ZNF479: variants seen among roughly 807,000 people sequenced by gnomAD.
The protein encoded by ZNF479 is zinc finger protein 479, also known as KRAB zinc finger protein KR19.
ZNF479 carries 15 observed loss-of-function variants against 14.7 expected under a neutral mutation model. That is an observed-to-expected ratio of 1.02 (90% CI 0.68 to 1.57). The LOEUF (loss-of-function observed/expected upper bound fraction) is 1.57. ZNF479 is among the 40% of genes most tolerant of loss of function. ZNF479 has a pLI of 0.00. For synonymous variants in ZNF479, 145 were observed against 211.5 expected, an observed-to-expected ratio of 0.69 and a Z score of 2.73; for missense variants, 506 against 615.1, an observed-to-expected ratio of 0.82 and a Z score of 1.88.
chr7:57,134,665 CTTTTTTTT>C (rs71053216), upstream of ZNF479, among the ~76,000 whole-genome samples: 1 of 106,482 alleles, frequency 9.4e-6, no homozygotes, highest in African/African-American at 3.2e-5. Flanking sequence ...TTTCTTCTAT[CTTTTTTTT>C]TTTTTTTTTT....
Position 57,132,339 on chromosome 7 carries a change from C to T in ZNF479, c.-15G>A. 6.2e-7 allele frequency: 1 copy of T among 1,614,122 alleles called. No homozygotes were observed. The highest frequency in any genetic ancestry group is 8.5e-7 in the Non-Finnish European group (1 of 1,180,026). ...CTTTTAGCCATAAATCTGCAGATAC[C>T]TGCAGGACACAAGGACACATAGGCT... On this transcript the variant is annotated 5_prime_UTR_variant, in exon 1 of 4. Coordinates refer to ENST00000319636, the MANE Select transcript of ZNF479 (RefSeq NM_001370129.2).
rs537036114 is a variant in ZNF479, at chr7:57,119,200, A to G, written c.*640T>C. On this transcript the variant is annotated 3_prime_UTR_variant, in exon 4 of 4. Transcript: ENST00000319636. ...TTCAGTATTAATTCTCTTATGTATA[A>G]TAAGGGTTCAAGACTAGTTAACAGC... Among the ~76,000 whole-genome samples, 20 of 152,274 alleles carry G rather than the reference A, an allele frequency of 1.3e-4. No individual in the cohort carries two copies. The highest frequency in any genetic ancestry group is 4.6e-4 in the African/African-American group (19 of 41,556).
chr7:57,138,281 T>A (rs987952569), intron 1 of ZNF479, among the ~76,000 whole-genome samples: 6 of 152,166 alleles, frequency 3.9e-5, no homozygotes, highest in Non-Finnish European at 8.8e-5. Flanking sequence ...GTCTTCTACA[T>A]GTAGAAAGAT....
At chr7:57,133,974 G>T (rs184682933), upstream of ZNF479, among the ~76,000 whole-genome samples, 334 of 152,298 alleles carry the variant, frequency 2.2e-3, 2 homozygotes, top group Middle Eastern at 3.4e-3. Flanking sequence ...AGCATGTAAT[G>T]GTTAATAAAG....
rs1554399712 is a variant in ZNF479 at position 57,119,808 on chromosome 7, T to C, written c.*32A>G. 6.4e-7 allele frequency: 1 copy of C among 1,554,060 alleles called. No individual in the cohort carries two copies. The highest frequency in any genetic ancestry group is 8.8e-7 in the Non-Finnish European group (1 of 1,140,802). On this transcript the variant is annotated 3_prime_UTR_variant, in exon 4 of 4. Transcript: ENST00000319636. ...TTTTTCCAGTGTAAATTATTTTATG[T>C]ATTATAAGGCCTGAGGGTGGACTTT...
chr7:57,120,808 G>A lies in ZNF479; in HGVS notation c.607C>T (p.His203Tyr), dbSNP rs1554400380. The change falls in exon 4 of 4, where the codon CAT (histidine) becomes TAT (tyrosine). Residue 203 changes from histidine to tyrosine, a missense_variant. Coordinates refer to ENST00000319636, the MANE Select transcript of ZNF479 (RefSeq NM_001370129.2). Reference protein sequence around the residue: ...SFCMLSHLNQHQVIHTREKSY... With the variant: ...SFCMLSHLNQYQVIHTREKSY... ...TTCTCCCTAGTATGAATTACCTGATGTTGATTTAGGTGTGAAAGCATGCAA... is the reference window on the plus strand; with the variant it reads ...TTCTCCCTAGTATGAATTACCTGATATTGATTTAGGTGTGAAAGCATGCAA... The A allele has an allele frequency of 1.2e-6, 2 of 1,612,618 alleles. No homozygotes were observed. The highest frequency in any genetic ancestry group is 4.5e-5 in the East Asian group (2 of 44,856).
chr7:57,133,158 G>A (rs1001826428), upstream of ZNF479, among the ~76,000 whole-genome samples: 5 of 152,052 alleles, frequency 3.3e-5, no homozygotes, highest in Non-Finnish European at 5.9e-5. Flanking sequence ...TGTAATTCCC[G>A]TTTGTCAGGG....
chr7:57,136,943 G>A (rs763077454), upstream of ZNF479, among the ~76,000 whole-genome samples: 5 of 152,090 alleles, frequency 3.3e-5, no homozygotes, highest in Non-Finnish European at 7.4e-5. Context: ...GGTTTCAGGA[G>A]ATGGAGGTTG....
At chr7:57,138,567 G>A (rs766778351) in intron 1 of ZNF479, among the ~76,000 whole-genome samples, 2 of 152,208 alleles carry the variant, frequency 1.3e-5, no homozygotes, top group African/African-American at 2.4e-5. Context: ...CAGGCGCAGC[G>A]ATGACTCTTA....
At chr7:57,128,190 C>T (rs1200182739) in intron 1 of ZNF479, among the ~76,000 whole-genome samples, 15 of 152,206 alleles carry the variant, frequency 9.9e-5, no homozygotes, top group East Asian at 7.7e-4. Flanking sequence ...CCACCTGCCT[C>T]GGCCTCCCAA....
intron 1 of ZNF479, among the ~76,000 whole-genome samples, chr7:57,130,318 C>G (rs1303410711): frequency 2.0e-5 from 3 of 152,044 alleles, no homozygotes; most frequent in African/African-American, 7.2e-5. Context: ...ACTAAAAACA[C>G]AAAAATTAGC....
intron 1 of ZNF479, 138 bp from the exon 2 acceptor site, chr7:57,126,856 A>G: frequency 1.5e-6 from 1 of 685,740 alleles, no homozygotes; most frequent in Non-Finnish European, 2.5e-6. Context: ...GACTAAAATT[A>G]TTCAATAAGA....
In ZNF479 at chr7:57,131,501, T is replaced by G. The variant is rs533219106; in HGVS notation, c.39+785A>C. 2.7e-5 allele frequency among the ~76,000 whole-genome samples: 4 copies of G among 150,762 alleles called. No homozygotes were observed. The South Asian group carries it at 6.4e-4, about 24-fold the overall frequency. On this transcript the variant is annotated intron_variant, in intron 1 of 3. Transcript: ENST00000319636. ...TTACTTGAACCTGGGAGGCAGAGGT[T>G]GTAATGAGGTGAGATCGCACCACTG...
chr7:57,129,309 C>T (rs565365791), intron 1 of ZNF479, among the ~76,000 whole-genome samples: 21 of 152,070 alleles, frequency 1.4e-4, no homozygotes, highest in Non-Finnish European at 2.8e-4. Context: ...ATCTTGGCCC[C>T]GCTCTATGCA....
chr7:57,125,947 T>C (rs1786147936), intron 3 of ZNF479, 71 bp downstream of exon 3: 3 of 1,550,200 alleles, frequency 1.9e-6, no homozygotes, highest in Non-Finnish European at 2.6e-6. Context: ...AGACCACATT[T>C]TAAGGACTGG....
intron 1 of ZNF479, among the ~76,000 whole-genome samples, chr7:57,131,583 C>CA (rs946547733): frequency 3.4e-5 from 3 of 87,646 alleles, no homozygotes; most frequent in African/African-American, 9.3e-5. Context: ...AACAAACAAA[C>CA]AAACAAAAAA....
chr7:57,125,593 G>C (rs1166365656), intron 3 of ZNF479, among the ~76,000 whole-genome samples: 1 of 151,648 alleles, frequency 6.6e-6, no homozygotes, highest in Admixed American at 6.6e-5. Context: ...AAACAGAATG[G>C]CATGTGCAGA....
upstream of ZNF479, among the ~76,000 whole-genome samples, chr7:57,135,758 A>G (rs1442740714): frequency 6.6e-6 from 1 of 152,154 alleles, no homozygotes; most frequent in African/African-American, 2.4e-5. Flanking sequence ...AGTGGCTGTG[A>G]CTGACAGAAT....
chr7:57,122,613 T>C (rs1786000423), intron 3 of ZNF479, among the ~76,000 whole-genome samples: 1 of 151,994 alleles, frequency 6.6e-6, no homozygotes, highest in African/African-American at 2.4e-5. Context: ...AAGTATGGGG[T>C]AGATATAATG....
Sources: allele counts gnomAD v4.1 joint callset (sites outside exome capture counted in the v4.1 genomes callset), GRCh38; gene constraint gnomAD v4.1.1; transcripts MANE v1.5; gene names NCBI Gene and HGNC (gene_info 2026-07-23, HGNC 2026-07-21).